The following PPP2R2C variants were observed in gnomAD, a reference collection of about 807,000 sequenced individuals.
PPP2R2C encodes the protein protein phosphatase 2, regulatory subunit B, gamma.
Under a neutral mutation model 45.3 loss-of-function variants are expected in PPP2R2C, and 10 were observed. That is an observed-to-expected ratio of 0.22 (90% confidence interval 0.14 to 0.37). PPP2R2C has a LOEUF of 0.37. Among genes scored for constraint, PPP2R2C ranks in the 10% least tolerant of loss-of-function variants. PPP2R2C has a pLI of 1.00. For synonymous variants in PPP2R2C, 257 were observed against 245.4 expected (o/e 1.05, Z -0.44); for missense variants, 308 against 619.7 (o/e 0.50, Z 5.34).
In PPP2R2C at chr4:6,563,007, G is replaced by A. The variant is rs1725630897; in HGVS notation, c.-59+553C>T. ...TTCTCCAAACCAGAGCAGCAGCCGG[G>A]CCTGACTCAGCACCCACCGGCGCGG... On this transcript the variant is annotated intron_variant, in intron 1 of 9. Coordinates refer to the PPP2R2C transcript ENST00000506140. The surrounding 1 kb of genome is among the most constrained non-coding windows in gnomAD (Gnocchi z 5.8). 6.6e-6 allele frequency among the ~76,000 whole-genome samples: 1 copy of A among 151,832 alleles called. No homozygotes were observed. The highest frequency in any genetic ancestry group is 2.1e-4 in the South Asian group (1 of 4,826).
chr4:6,397,410 G>A (rs1419198020), intron 1 of PPP2R2C, among the ~76,000 whole-genome samples: 1 of 152,262 alleles, frequency 6.6e-6, no homozygotes, highest in African/African-American at 2.4e-5. Context: ...CCGGAGGGAT[G>A]CTCCCTGCGC....
chr4:6,490,964 G>T (rs909428740), intron 2 of PPP2R2C, among the ~76,000 whole-genome samples: 6 of 152,144 alleles, frequency 3.9e-5, no homozygotes, highest in Admixed American at 6.5e-5. Context: ...AAGACCTGAC[G>T]CCAGGAGGCC....
chr4:6,336,642 TC>T (rs1732888066), intron 6 of PPP2R2C, among the ~76,000 whole-genome samples: 1 of 8,834 alleles, frequency 1.1e-4, no homozygotes. Flanking sequence ...CTTCCCTCCC[TC>T]CCTCCCTCCC....
intron 5 of PPP2R2C, among the ~76,000 whole-genome samples, chr4:6,371,952 G>T (rs115971028): frequency 6.6e-6 from 1 of 152,136 alleles, no homozygotes; most frequent in Non-Finnish European, 1.5e-5. Flanking sequence ...GTCATCACCA[G>T]CTCTCTTCCC....
At chr4:6,380,891 C>T (rs1017719258) in intron 2 of PPP2R2C, 106 bp downstream of exon 2, 3 of 1,424,894 alleles carry the variant, frequency 2.1e-6, no homozygotes, top group South Asian at 3.0e-5. Flanking sequence ...CCTCTCACCG[C>T]ATCACCCCTT....
rs148384701 is a variant in PPP2R2C at position 6,365,449 on chromosome 4, C to T, written c.625+7074G>A. 2.6e-3 allele frequency among the ~76,000 whole-genome samples: 400 copies of T among 152,020 alleles called. 2 individuals are homozygous for T. Among genetic ancestry groups the T allele is most frequent in the Middle Eastern group, 6.8e-3 (2 of 294 alleles). ...TTGCTTGTCTACACGGCACCAGGCC[C>T]CATACTCATCGGCCATTCCACCTTT... On this transcript the variant is annotated intron_variant, in intron 5 of 8. Coordinates refer to ENST00000382599, the MANE Select transcript of PPP2R2C (RefSeq NM_020416.4).
At chr4:6,381,139 C>A (rs369506775) in intron 1 of PPP2R2C, 45 bp from the exon 2 acceptor site, 2 of 1,554,260 alleles carry the variant, frequency 1.3e-6, no homozygotes, top group South Asian at 2.4e-5. Context: ...TGTCAGAACC[C>A]GCCTCTCCCG....
intron 1 of PPP2R2C, chr4:6,382,127 A>G (rs1459195634): frequency 3.9e-6 from 5 of 1,266,810 alleles, no homozygotes; most frequent in Non-Finnish European, 5.0e-6. Context: ...TTAATATTTG[A>G]AAAGTAGAAG....
chr4:6,450,804 G>A (rs1219023845), intron 1 of PPP2R2C, among the ~76,000 whole-genome samples: 1 of 152,248 alleles, frequency 6.6e-6, no homozygotes, highest in Admixed American at 6.5e-5. Context: ...GTAGGGGGTG[G>A]GGTCTGGAGA....
intron 3 of PPP2R2C, among the ~76,000 whole-genome samples, chr4:6,377,946 G>A (rs188785387): frequency 6.6e-6 from 1 of 152,358 alleles, no homozygotes; most frequent in African/African-American, 2.4e-5. Context: ...TGCCCCGCAA[G>A]GCCGCGGTGA....
intron 2 of PPP2R2C, among the ~76,000 whole-genome samples, chr4:6,510,728 A>T (rs1358563246): frequency 6.6e-6 from 1 of 152,200 alleles, no homozygotes; most frequent in Non-Finnish European, 1.5e-5. Context: ...CTGTAATCCC[A>T]GCACTTTGGG....
At chr4:6,334,646 G>C (rs1212197057) in intron 6 of PPP2R2C, among the ~76,000 whole-genome samples, 1 of 152,154 alleles carries the variant, frequency 6.6e-6, no homozygotes, top group Non-Finnish European at 1.5e-5. Flanking sequence ...CCTAGGACCT[G>C]GGCCACAGAG....
intron 7 of PPP2R2C, 141 bp downstream of exon 7, chr4:6,333,421 G>A (rs1577072430): frequency 1.0e-6 from 1 of 962,758 alleles, no homozygotes; most frequent in African/African-American, 1.7e-5. Context: ...GGGATGAGTT[G>A]CTGGATTTCT....
Position 6,332,639 on chromosome 4 carries a change from C to A in PPP2R2C, c.960+923G>T, listed in dbSNP as rs1247632654. Among the ~76,000 whole-genome samples the A allele has an allele frequency of 2.0e-5, 3 of 152,202 alleles. No homozygotes were observed. The highest frequency in any genetic ancestry group is 2.0e-4 in the Admixed American group (3 of 15,284). On this transcript the variant is annotated intron_variant, in intron 7 of 8. Transcript: ENST00000382599. This position sits in a 1 kb window ranked among gnomAD's most constrained non-coding sequence, Gnocchi z 4.9. ...AGCCTGGGCTCTGAATCTGTCACCG[C>A]CCAGCCGAGAGACACCTCCCTCATC...
intron 5 of PPP2R2C, among the ~76,000 whole-genome samples, chr4:6,366,503 T>C (rs1333247532): frequency 1.3e-5 from 2 of 152,242 alleles, no homozygotes; most frequent in Non-Finnish European, 2.9e-5. Context: ...CCTGGGTTCC[T>C]AATCTCAGGG....
intron 2 of PPP2R2C, among the ~76,000 whole-genome samples, chr4:6,534,095 C>T (rs975120298): frequency 2.0e-5 from 3 of 150,754 alleles, no homozygotes; most frequent in African/African-American, 2.4e-5. Flanking sequence ...TCAACACATA[C>T]ACTAAAACAC....
intron 5 of PPP2R2C, chr4:6,348,571 C>T (rs1290324956): frequency 7.3e-5 from 66 of 902,502 alleles, no homozygotes; most frequent in Non-Finnish European, 8.5e-5. Context: ...CTCCTTTGGG[C>T]AAAGGTTCTT....
intron 1 of PPP2R2C, among the ~76,000 whole-genome samples, chr4:6,456,987 C>T (rs1165149266): frequency 6.6e-6 from 1 of 152,122 alleles, no homozygotes; most frequent in Non-Finnish European, 1.5e-5. Flanking sequence ...GCGGGCAGAT[C>T]ACCTGAGGTC....
chr4:6,356,147 T>C (rs1268590302), intron 5 of PPP2R2C, among the ~76,000 whole-genome samples: 1 of 152,134 alleles, frequency 6.6e-6, no homozygotes, highest in African/African-American at 2.4e-5. Context: ...CGAGATCTTT[T>C]TAGGTTGCAA....
Sources: gnomAD v4.1 joint callset for allele counts (sites outside exome capture counted in the v4.1 genomes callset) on GRCh38, gnomAD v4.1.1 for gene constraint, Gnocchi (gnomAD v3.1) non-coding constraint, MANE v1.5 for transcripts, NCBI Gene and HGNC (gene_info 2026-07-23, HGNC 2026-07-21) for gene names.